Variants in DIS3L2 observed in about 807,000 individuals in gnomAD.
The protein encoded by DIS3L2 is DIS3-like exonuclease 2.
A neutral mutation model predicts 97.5 loss-of-function variants in DIS3L2; 34 were observed. That is an observed-to-expected ratio of 0.35 (90% CI 0.27 to 0.46). The LOEUF (loss-of-function observed/expected upper bound fraction) is 0.46, where lower values mean the gene tolerates loss of function less well. Among genes scored for constraint, DIS3L2 ranks in the 20% least tolerant of loss-of-function variants. The pLI is 1.00. For missense variants in DIS3L2, 1,038 were observed against 1,146.0 expected (o/e 0.91, Z 1.36); for synonymous variants, 435 against 445.2 (o/e 0.98, Z 0.29).
chr2:231,966,119 A>G (rs1692703214), intron 1 of DIS3L2, among the ~76,000 whole-genome samples: 1 of 150,614 alleles, frequency 6.6e-6, no homozygotes, highest in African/African-American at 2.5e-5. Flanking sequence ...CATCGATACC[A>G]TTTTTGCTGA....
exon 14 of DIS3L2, chr2:232,344,016 C>G (rs1322268163): frequency 6.2e-6 from 1 of 161,632 alleles, no homozygotes; most frequent in Non-Finnish European, 1.4e-5. Context: ...CTGGAAATGC[C>G]TCGTCATCTG....
At chr2:231,965,685 T>C (rs1050939777) in intron 1 of DIS3L2, among the ~76,000 whole-genome samples, 1 of 152,210 alleles carries the variant, frequency 6.6e-6, no homozygotes, top group Non-Finnish European at 1.5e-5. Context: ...AATGCACATA[T>C]GATCTCTGTC....
chr2:231,972,605 G>T (rs1420491279), intron 1 of DIS3L2, among the ~76,000 whole-genome samples: 2 of 152,170 alleles, frequency 1.3e-5, no homozygotes, highest in Admixed American at 6.5e-5. Flanking sequence ...GTGCAGTGGT[G>T]CAATCTCAGC....
intron 1 of DIS3L2, among the ~76,000 whole-genome samples, chr2:231,978,123 G>A (rs1412550025): frequency 6.6e-6 from 1 of 152,180 alleles, no homozygotes; most frequent in African/African-American, 2.4e-5. Flanking sequence ...GTTTTTATAT[G>A]CATTCTATAG....
chr2:232,217,437 T>C (rs1157553779), intron 10 of DIS3L2, among the ~76,000 whole-genome samples: 4 of 152,340 alleles, frequency 2.6e-5, no homozygotes, highest in African/African-American at 9.6e-5. Flanking sequence ...CAGCAGGTTG[T>C]CCTCCAATTC....
chr2:232,159,518 GT>G (rs1367439714), intron 8 of DIS3L2, among the ~76,000 whole-genome samples: 1 of 152,346 alleles, frequency 6.6e-6, no homozygotes, highest in African/African-American at 2.4e-5. Context: ...CAGGCATTAT[GT>G]AGTAGGAAGC....
intron 9 of DIS3L2, among the ~76,000 whole-genome samples, chr2:232,189,617 T>C (rs1691555661): frequency 1.3e-5 from 2 of 152,326 alleles, no homozygotes; most frequent in African/African-American, 4.8e-5. Context: ...AATTGAGGGA[T>C]CCTTGAGACA....
chr2:232,217,836 C>T (rs1181019360), intron 10 of DIS3L2, among the ~76,000 whole-genome samples: 1 of 152,148 alleles, frequency 6.6e-6, no homozygotes, highest in African/African-American at 2.4e-5. Context: ...TCCTATTGGG[C>T]CTTTTATGGA....
At chr2:232,320,799 C>T (rs6760241) in intron 14 of DIS3L2, among the ~76,000 whole-genome samples, 17,342 of 152,232 alleles carry the variant, frequency 0.11, 1,455 homozygotes, top group African/African-American at 0.24. Flanking sequence ...ATGTGCTGCT[C>T]AGCTCTGGGA....
intron 1 of DIS3L2, among the ~76,000 whole-genome samples, chr2:231,963,002 T>C (rs936766559): frequency 6.6e-6 from 1 of 152,122 alleles, no homozygotes. Flanking sequence ...CCTAGGTTGA[T>C]TCCGTGTGTT....
chr2:232,203,124 A>G (rs1430016246), intron 9 of DIS3L2, among the ~76,000 whole-genome samples: 1 of 152,236 alleles, frequency 6.6e-6, no homozygotes, highest in Admixed American at 6.5e-5. Flanking sequence ...TGATTTCTTT[A>G]TAAACTGTGA....
At chr2:231,982,683 A>ATT (rs111376702) in intron 1 of DIS3L2, among the ~76,000 whole-genome samples, 1,871 of 142,594 alleles carry the variant, frequency 0.013, 21 homozygotes, top group Non-Finnish European at 0.017. Flanking sequence ...TTATTCAAGC[A>ATT]TTTTTTTTTT....
rs955703178 is a variant in DIS3L2, at chr2:232,276,559, G to C, written c.1659+13119G>C. On this transcript the variant is annotated intron_variant, in intron 13 of 20. Transcript: ENST00000325385. The surrounding 1 kb of genome is among the most constrained non-coding windows in gnomAD (Gnocchi z 4.4). ...TTGCCCAGAGGCCTCGCTCAGACTT[G>C]TTCCTTTTTGGTACATGTTTCCACT... Among the ~76,000 whole-genome samples, 1 of 152,212 alleles carries C rather than the reference G, an allele frequency of 6.6e-6. No homozygotes were observed. The highest frequency in any genetic ancestry group is 6.5e-5 in the Admixed American group (1 of 15,280).
At chr2:232,329,503 G>T (rs1292558188) in intron 14 of DIS3L2, 4 of 332,522 alleles carry the variant, frequency 1.2e-5, no homozygotes, top group Non-Finnish European at 1.6e-5. Context: ...GAGCTCTGGG[G>T]CTGCTGCAGT....
rs192286067 is a variant in DIS3L2, at chr2:232,185,419, A to G, written c.1124+21787A>G. 3.3e-5 allele frequency among the ~76,000 whole-genome samples: 5 copies of G among 152,376 alleles called. No homozygotes were observed. The East Asian group carries it at 9.6e-4, about 29-fold the overall frequency. Reference sequence around the variant, plus strand: ...AACTGAATGAAAATGAAAGCACAACATATTAAAATATGTGAGATGTCGCTA... The same window carrying G: ...AACTGAATGAAAATGAAAGCACAACGTATTAAAATATGTGAGATGTCGCTA... On this transcript the variant is annotated intron_variant, in intron 9 of 20. Coordinates refer to ENST00000325385, the MANE Select transcript of DIS3L2 (RefSeq NM_152383.5).
intron 14 of DIS3L2, among the ~76,000 whole-genome samples, chr2:232,319,117 G>A (rs1017594444): frequency 5.3e-5 from 8 of 152,274 alleles, no homozygotes; most frequent in Admixed American, 6.5e-5. Context: ...AGATGGTATC[G>A]AGTAAGGAGC....
At chr2:232,063,294 G>A (rs955441927) in intron 5 of DIS3L2, among the ~76,000 whole-genome samples, 3 of 152,130 alleles carry the variant, frequency 2.0e-5, no homozygotes, top group African/African-American at 7.2e-5. Context: ...CTTGTGTTTA[G>A]AATGTTATAA....
chr2:232,214,318 G>A (rs747403074), intron 10 of DIS3L2, among the ~76,000 whole-genome samples: 31 of 152,142 alleles, frequency 2.0e-4, no homozygotes, highest in Non-Finnish European at 4.3e-4. Flanking sequence ...TTCTACCTTA[G>A]AGGCAATTCA....
At chr2:232,092,773 G>C (rs1038860291) in intron 6 of DIS3L2, among the ~76,000 whole-genome samples, 1 of 152,030 alleles carries the variant, frequency 6.6e-6, no homozygotes, top group South Asian at 2.1e-4. Context: ...TGAATTTTCA[G>C]TTCTAATAGT....
Sources: gnomAD v4.1 joint callset for allele counts (sites outside exome capture counted in the v4.1 genomes callset) on GRCh38, gnomAD v4.1.1 for gene constraint, Gnocchi (gnomAD v3.1) non-coding constraint, MANE v1.5 for transcripts, NCBI Gene and HGNC (gene_info 2026-07-23, HGNC 2026-07-21) for gene names.